Variants in LGI2 observed in about 807,000 individuals in gnomAD.
LGI2 encodes the protein leucine rich repeat LGI family member 2.
A neutral mutation model predicts 52.0 loss-of-function variants in LGI2; 30 were observed. That is an observed-to-expected ratio of 0.58 (90% CI 0.43 to 0.78). The LOEUF is 0.78. Ranked by LOEUF, LGI2 falls within the 30% of genes least tolerant of loss-of-function variation. LGI2 has a pLI of 0.00. For synonymous variants in LGI2, 270 were observed against 271.8 expected (o/e 0.99, Z 0.06); for missense variants, 573 against 692.5 (o/e 0.83, Z 1.94).
At chr4:24,992,740 A>G in the LGI2 span, among the ~76,000 whole-genome samples, 1 of 152,062 alleles carries the variant, frequency 6.6e-6, no homozygotes, top group Non-Finnish European at 1.5e-5. Context: ...TGGCCTATCC[A>G]GCTTCTCATA....
At position 25,028,597 on chromosome 4, in the gene LGI2, C is replaced by CA; in HGVS notation, c.198-20dup. On this transcript the variant is annotated intron_variant, in intron 1 of 7. Transcript: ENST00000382114. ...CAGGCTCCTACGGGCAAAAGATGAACAAAAGTAGGCCTAGGTTTCTTTTAG... is the reference window on the plus strand; with the variant it reads ...CAGGCTCCTACGGGCAAAAGATGAACAAAAAGTAGGCCTAGGTTTCTTTTAG... 6.2e-7 allele frequency: 1 copy of CA among 1,605,448 alleles called. No individual in the cohort carries two copies. Among genetic ancestry groups the CA allele is most frequent in the Non-Finnish European group, 8.5e-7 (1 of 1,175,440 alleles).
downstream of LGI2, among the ~76,000 whole-genome samples, chr4:24,997,746 C>A (rs1171856995): frequency 6.6e-6 from 1 of 152,190 alleles, no homozygotes. Context: ...CTTGTATAAT[C>A]TCCTCTCTTT....
rs1290258192 is a variant in LGI2 at position 25,002,722 on chromosome 4, G to C, written c.*729C>G. ...CATTACTGCTCTGGCCACCACCAGG[G>C]TCACCTTTGAACCGTAAGAAAGAGG... On this transcript the variant is annotated 3_prime_UTR_variant, in exon 8 of 8. Coordinates refer to ENST00000382114, the MANE Select transcript of LGI2 (RefSeq NM_018176.4). The C allele has an allele frequency of 6.5e-6, 1 of 152,730 alleles. No homozygotes were observed. The highest frequency in any genetic ancestry group is 2.4e-5 in the African/African-American group (1 of 41,440). The allele number at this position is 152,730 out of a possible 1,614,324, so 9.5% of individuals were successfully genotyped here. A position where few individuals can be genotyped will look rare whatever the true frequency, so the allele number is the denominator to read the frequency against.
At position 25,003,868 on chromosome 4, in the gene LGI2, C is replaced by A. The variant is rs1350877946; in HGVS notation, c.1221G>T (p.Lys407Asn). The change falls in exon 8 of 8, where the codon AAG becomes AAT. Residue 407 changes from lysine to asparagine, a missense_variant. Lys to Asn is a moderately conservative substitution (Grantham distance 94). Coordinates refer to ENST00000382114, the MANE Select transcript of LGI2 (RefSeq NM_018176.4). ...TGGGGATGTCACCATGGGGGACAAA[C>A]TTCTTAGAGCTTTTATTCCACTGGA... is the stretch of plus-strand genomic sequence containing the variant. ...IILQWNKSSKKFVPHGDIPNM... is the reference protein window; with the variant it reads ...IILQWNKSSKNFVPHGDIPNM... The A allele has an allele frequency of 1.2e-6, 2 of 1,614,164 alleles. No individual in the cohort carries two copies. Among genetic ancestry groups the A allele is most frequent in the South Asian group, 1.1e-5 (1 of 91,076 alleles).
intron 4 of LGI2, among the ~76,000 whole-genome samples, chr4:25,021,150 C>T (rs1725945654): frequency 6.6e-6 from 1 of 150,730 alleles, no homozygotes; most frequent in Admixed American, 6.6e-5. Context: ...TCCAAGTGTT[C>T]AATTTAGATT....
chr4:25,026,363 CT>C (rs1298834628), intron 3 of LGI2, among the ~76,000 whole-genome samples: 1 of 151,810 alleles, frequency 6.6e-6, no homozygotes, highest in African/African-American at 2.4e-5. Context: ...GAAAAATGAC[CT>C]TTTTTTAAGG....
intron 4 of LGI2, among the ~76,000 whole-genome samples, 188 bp from the exon 5 acceptor site, chr4:25,019,426 T>A (rs1725879888): frequency 1.3e-5 from 2 of 152,208 alleles, no homozygotes; most frequent in Admixed American, 6.5e-5. Context: ...CTTTCTTTTT[T>A]TTTTTACAAA....
chr4:25,019,526 C>T (rs920912077), intron 4 of LGI2, among the ~76,000 whole-genome samples: 1 of 152,082 alleles, frequency 6.6e-6, no homozygotes, highest in Admixed American at 6.6e-5. Context: ...CCTTCGGTGG[C>T]ATGCAAGACC....
chr4:25,024,730 G>C, intron 4 of LGI2, 90 bp downstream of exon 4: 2 of 821,802 alleles, frequency 2.4e-6, no homozygotes, highest in Admixed American at 5.2e-5. Context: ...TTTCCTTCAG[G>C]GACAGTTACA....
chr4:25,002,861 C>G lies in LGI2; in HGVS notation c.*590G>C, dbSNP rs1725286852. ...GCAATGTCAAACACTAAATTGTTAACATATCCATGACAAGCATTCATATGA... is the reference window on the plus strand; with the variant it reads ...GCAATGTCAAACACTAAATTGTTAAGATATCCATGACAAGCATTCATATGA... On this transcript the variant is annotated 3_prime_UTR_variant, in exon 8 of 8. Coordinates refer to ENST00000382114, the MANE Select transcript of LGI2 (RefSeq NM_018176.4). 1 of 152,436 alleles carries G rather than the reference C, an allele frequency of 6.6e-6. No homozygotes were observed. Among genetic ancestry groups the G allele is most frequent in the Non-Finnish European group, 1.5e-5 (1 of 68,216 alleles). The allele number at this position is 152,436 out of a possible 1,614,324, so 9.4% of individuals were successfully genotyped here.
At chr4:24,998,175 C>G (rs1725136859), downstream of LGI2, among the ~76,000 whole-genome samples, 1 of 152,208 alleles carries the variant, frequency 6.6e-6, no homozygotes, top group Admixed American at 6.5e-5. Flanking sequence ...CGTGCTTGGA[C>G]TGTGATGCAA....
chr4:25,028,526 G>A lies in LGI2; in HGVS notation c.250C>T (p.Leu84=). ...ACTCACAGCAGCTGCAGAGAAGGCA[G>A]ATGGGAAAACATTCGGTCCTTGATT... ...SEIKDRMFSH[L]PSLQLLLLNS... The change falls in exon 2 of 8, where the codon CTG becomes TTG. Residue 84 remains leucine (L), a synonymous_variant. Coordinates refer to ENST00000382114, the MANE Select transcript of LGI2 (RefSeq NM_018176.4). The A allele has an allele frequency of 6.2e-7, 1 of 1,613,474 alleles. No individual in the cohort carries two copies. Among genetic ancestry groups the A allele is most frequent in the Non-Finnish European group, 8.5e-7 (1 of 1,179,852 alleles).
intron 7 of LGI2, among the ~76,000 whole-genome samples, chr4:25,009,489 T>G (rs1479990095): frequency 3.3e-5 from 5 of 152,202 alleles, no homozygotes; most frequent in African/African-American, 9.6e-5. Context: ...CTTCTTCACT[T>G]TATTTCCCCT....
chr4:25,003,511 T>A lies in LGI2; in HGVS notation c.1578A>T (p.Ala526=). 3.1e-6 allele frequency: 5 copies of A among 1,606,704 alleles called. No individual in the cohort carries two copies. In the South Asian group the frequency reaches 4.5e-5, roughly 14 times the overall value. The part of the protein sequence containing the change: ...VSTDRRDFFF[A]SSFKGKTKIF... ...TCTTTGTTTTCCCTTTGAAACTGGA[T>A]GCAAAAAAGAAATCTCTCCTGTCGG... Residue 526 remains alanine (A), a synonymous_variant, in exon 8 of 8, where the codon GCA becomes GCT. Transcript: ENST00000382114.
chr4:25,029,496 T>G lies in LGI2; in HGVS notation c.198-918A>C, dbSNP rs147767296. Among the ~76,000 whole-genome samples, 683 of 152,332 alleles carry G rather than the reference T, an allele frequency of 4.5e-3. 5 individuals carry two copies. Among genetic ancestry groups the G allele is most frequent in the Non-Finnish European group, 7.6e-3 (519 of 68,026 alleles). ...AAGCAACGTCACCCCGGGGATTCCC[T>G]GCCTCCACCACTGACTGGGCACCCA... On this transcript the variant is annotated intron_variant, in intron 1 of 7. Coordinates refer to ENST00000382114, the MANE Select transcript of LGI2 (RefSeq NM_018176.4).
intron 4 of LGI2, among the ~76,000 whole-genome samples, chr4:25,023,849 T>C (rs1411031921): frequency 6.6e-6 from 1 of 152,208 alleles, no homozygotes; most frequent in African/African-American, 2.4e-5. Context: ...ACAGCCACTA[T>C]TTTTTCTAGT....
rs1368184299 is a variant in LGI2 at position 25,027,002 on chromosome 4, T to G, written c.270-63A>C. The G allele has an allele frequency of 4.4e-5, 54 of 1,240,430 alleles. 1 individual carries two copies. The highest frequency in any genetic ancestry group is 5.9e-5 in the Non-Finnish European group (50 of 840,486). The allele number at this position is 1,240,430 out of a possible 1,614,324, so 76.8% of individuals were successfully genotyped here. ...AACTTGAGTCACATGGTAAAGCCATTTCTCTTTCCTTTGCTACGTTTTGAT... is the reference window on the plus strand; with the variant it reads ...AACTTGAGTCACATGGTAAAGCCATGTCTCTTTCCTTTGCTACGTTTTGAT... On this transcript the variant is annotated intron_variant, in intron 2 of 7. Transcript: ENST00000382114.
chr4:25,023,598 G>A (rs568310474), intron 4 of LGI2, among the ~76,000 whole-genome samples: 54 of 152,262 alleles, frequency 3.5e-4, no homozygotes, highest in African/African-American at 1.3e-3. Flanking sequence ...CTCATTAGAT[G>A]ACTATGTCCA....
chr4:25,022,963 G>C (rs1577559471), intron 4 of LGI2, among the ~76,000 whole-genome samples: 1 of 152,198 alleles, frequency 6.6e-6, no homozygotes, highest in African/African-American at 2.4e-5. Flanking sequence ...ACCCACAGCT[G>C]TCTCCTTAGT....
Sources: gnomAD v4.1 joint callset for allele counts (sites outside exome capture counted in the v4.1 genomes callset) on GRCh38, gnomAD v4.1.1 for gene constraint, MANE v1.5 for transcripts, NCBI Gene and HGNC (gene_info 2026-07-23, HGNC 2026-07-21) for gene names.